The following DLGAP2 variants were observed in gnomAD, a reference collection of about 807,000 sequenced individuals.
DLGAP2 encodes the protein DLG associated protein 2, also known as disks large-associated protein 2.
Under a neutral mutation model 100.3 loss-of-function variants are expected in DLGAP2, and 26 were observed. The ratio of observed to expected loss-of-function variants is 0.26; its 90% CI spans 0.19 to 0.36. The LOEUF (loss-of-function observed/expected upper bound fraction) is 0.36. DLGAP2 is among the 10% of genes least tolerant of loss of function. The pLI, the probability that DLGAP2 is intolerant of heterozygous loss-of-function variation, is 1.00. For synonymous variants in DLGAP2, 886 were observed against 630.1 expected (o/e 1.41, Z -6.08); for missense variants, 1,858 against 1,453.2 (o/e 1.28, Z -4.53).
intron 2 of DLGAP2, among the ~76,000 whole-genome samples, chr8:1,000,623 C>G (rs961277481): frequency 6.6e-6 from 1 of 152,168 alleles, no homozygotes; most frequent in Non-Finnish European, 1.5e-5. Context: ...TTTTTGTTAT[C>G]CTAATTGCTC....
rs556398411 is a variant in DLGAP2 at position 1,314,623 on chromosome 8, G to A, written c.106+55740G>A. On this transcript the variant is annotated intron_variant, in intron 3 of 14. Coordinates refer to ENST00000637795, the MANE Select transcript of DLGAP2 (RefSeq NM_001346810.2). ...GTGCATTAGATTGAGGGTCTCATTG[G>A]AGAATTGGGGCAGCCCATGGTCTGG... Among the ~76,000 whole-genome samples the A allele has an allele frequency of 7.6e-4, 116 of 152,308 alleles. 1 individual carries two copies. In the East Asian group the frequency reaches 0.016, roughly 21 times the overall value.
At chr8:1,603,612 C>A (rs1011183704) in intron 6 of DLGAP2, among the ~76,000 whole-genome samples, 15 of 152,308 alleles carry the variant, frequency 9.8e-5, no homozygotes, top group African/African-American at 3.6e-4. Context: ...GAGGCTGGGT[C>A]TCAGTTCTGT....
chr8:1,469,038 T>C (rs1798708449), intron 3 of DLGAP2, among the ~76,000 whole-genome samples: 1 of 152,162 alleles, frequency 6.6e-6, no homozygotes, highest in Non-Finnish European at 1.5e-5. Context: ...GGGATGAGGC[T>C]GTCAACACAT....
intron 2 of DLGAP2, among the ~76,000 whole-genome samples, chr8:1,239,999 C>G (rs1209461286): frequency 6.7e-6 from 1 of 150,238 alleles, no homozygotes; most frequent in East Asian, 2.0e-4. Flanking sequence ...CTCTCTCACA[C>G]AGAGCATCGT....
At chr8:807,776 CTT>C (rs1380142112) in intron 1 of DLGAP2, among the ~76,000 whole-genome samples, 1 of 152,222 alleles carries the variant, frequency 6.6e-6, no homozygotes, top group Non-Finnish European at 1.5e-5. Flanking sequence ...TTAGCTGTCT[CTT>C]TTTACTGCTA....
intron 3 of DLGAP2, among the ~76,000 whole-genome samples, chr8:1,278,584 A>G (rs1171686943): frequency 1.3e-5 from 2 of 152,218 alleles, no homozygotes; most frequent in Non-Finnish European, 2.9e-5. Context: ...TTTTAATAAA[A>G]ATGATGTATT....
chr8:932,135 T>G (rs928096580), intron 2 of DLGAP2, among the ~76,000 whole-genome samples: 4 of 152,238 alleles, frequency 2.6e-5, no homozygotes, highest in African/African-American at 9.6e-5. Flanking sequence ...AAGTGTCTGA[T>G]GTTTTTGTCG....
chr8:995,422 C>A (rs1800757292), intron 2 of DLGAP2, among the ~76,000 whole-genome samples: 1 of 152,148 alleles, frequency 6.6e-6, no homozygotes, highest in African/African-American at 2.4e-5. Context: ...TTCTAATTAA[C>A]AGTGATTTAT....
At chr8:1,324,831 G>C (rs1477124649) in intron 3 of DLGAP2, among the ~76,000 whole-genome samples, 1 of 152,172 alleles carries the variant, frequency 6.6e-6, no homozygotes, top group Non-Finnish European at 1.5e-5. Context: ...CATCTTGGCA[G>C]TCCCGTGAAA....
chr8:1,436,442 T>A (rs1313834776), intron 3 of DLGAP2, among the ~76,000 whole-genome samples: 1 of 152,246 alleles, frequency 6.6e-6, no homozygotes, highest in South Asian at 2.1e-4. Context: ...GAATAGATGG[T>A]GCCCACCCAG....
intron 2 of DLGAP2, among the ~76,000 whole-genome samples, chr8:924,572 A>C (rs1324435166): frequency 1.3e-5 from 2 of 151,466 alleles, no homozygotes; most frequent in African/African-American, 2.4e-5. Flanking sequence ...TATCCCGGTT[A>C]TTCTTTTTTT....
At chr8:999,433 A>T (rs1437270626) in intron 2 of DLGAP2, among the ~76,000 whole-genome samples, 2 of 145,672 alleles carry the variant, frequency 1.4e-5, no homozygotes, top group Non-Finnish European at 3.0e-5. Flanking sequence ...TTTTGTTTTG[A>T]TAGTTGCTGT....
intron 2 of DLGAP2, among the ~76,000 whole-genome samples, chr8:982,260 A>T (rs1363948602): frequency 6.6e-6 from 1 of 152,260 alleles, no homozygotes; most frequent in African/African-American, 2.4e-5. Flanking sequence ...CCGTTAATGG[A>T]TGAATGCACA....
At chr8:1,498,255 T>A (rs1313022658) in intron 3 of DLGAP2, among the ~76,000 whole-genome samples, 1 of 151,962 alleles carries the variant, frequency 6.6e-6, no homozygotes, top group Non-Finnish European at 1.5e-5. Flanking sequence ...GCAAAGAGGA[T>A]GGATGGTAAG....
intron 2 of DLGAP2, among the ~76,000 whole-genome samples, chr8:1,100,866 A>T (rs1263994307): frequency 6.6e-6 from 1 of 152,234 alleles, no homozygotes; most frequent in African/African-American, 2.4e-5. Flanking sequence ...TTTAAAAATC[A>T]ATTTCTTAAA....
chr8:1,033,266 C>T (rs773020141), intron 2 of DLGAP2, among the ~76,000 whole-genome samples: 7 of 152,168 alleles, frequency 4.6e-5, no homozygotes, highest in Admixed American at 3.9e-4. Context: ...CCCCTCGCCT[C>T]GTGATCTTAA....
chr8:1,184,714 G>A (rs558322481), intron 2 of DLGAP2, among the ~76,000 whole-genome samples: 2 of 152,294 alleles, frequency 1.3e-5, no homozygotes, highest in South Asian at 2.1e-4. Flanking sequence ...GGAGGCTCAG[G>A]GCAGCTGTAG....
intron 3 of DLGAP2, among the ~76,000 whole-genome samples, chr8:1,455,703 C>A (rs1226797614): frequency 6.6e-6 from 1 of 152,076 alleles, no homozygotes; most frequent in Non-Finnish European, 1.5e-5. Flanking sequence ...ACATCCACGC[C>A]CCCCATTTAT....
rs181072304 is a variant in DLGAP2, at chr8:1,317,807, G to A, written c.106+58924G>A. Among the ~76,000 whole-genome samples the A allele has an allele frequency of 3.1e-3, 318 of 101,224 alleles. 24 individuals are homozygous for A. Among genetic ancestry groups the A allele is most frequent in the Admixed American group, 6.5e-3 (58 of 8,880 alleles). 66.4% of individuals were successfully genotyped at this position (101,224 alleles called of 152,430 possible). ...ACTCGTCAGTGTTAAAAAATAGAGC[G>A]TGTGCGAGTGCAGCGTCTCTCCCAC... is the stretch of plus-strand genomic sequence containing the variant. On this transcript the variant is annotated intron_variant, in intron 3 of 14. Coordinates refer to ENST00000637795, the MANE Select transcript of DLGAP2 (RefSeq NM_001346810.2).
Sources: allele counts gnomAD v4.1 joint callset (sites outside exome capture counted in the v4.1 genomes callset), GRCh38; gene constraint gnomAD v4.1.1; transcripts MANE v1.5; gene names NCBI Gene and HGNC (gene_info 2026-07-23, HGNC 2026-07-21).